Variants in PARD6G observed in about 807,000 individuals in gnomAD.
PARD6G encodes the protein partitioning defective 6 homolog gamma.
In PARD6G, 7 loss-of-function variants were observed where a neutral mutation model predicts 10.7. The ratio of observed to expected loss-of-function variants is 0.66; its 90% CI spans 0.37 to 1.23. PARD6G has a LOEUF of 1.23. Among genes scored for constraint, PARD6G ranks in the 50% most tolerant of loss-of-function variants. PARD6G has a pLI of 0.02. For synonymous variants in PARD6G, 287 were observed against 269.4 expected, an observed-to-expected ratio of 1.07 and a Z score of -0.64; for missense variants, 548 against 571.8, an observed-to-expected ratio of 0.96 and a Z score of 0.42.
chr18:80,226,930 C>A (rs1197334038), intron 1 of PARD6G, among the ~76,000 whole-genome samples: 2 of 152,194 alleles, frequency 1.3e-5, no homozygotes, highest in African/African-American at 4.8e-5. Context: ...TGAATCTTCA[C>A]TGAATTAATG....
chr18:80,207,523 A>G (rs917698107), intron 1 of PARD6G, among the ~76,000 whole-genome samples: 4 of 152,260 alleles, frequency 2.6e-5, no homozygotes, highest in African/African-American at 7.2e-5. Flanking sequence ...TTGCACAACT[A>G]TGTTCCAATC....
At chr18:80,230,316 C>T (rs1967343724) in intron 1 of PARD6G, among the ~76,000 whole-genome samples, 1 of 152,252 alleles carries the variant, frequency 6.6e-6, no homozygotes, top group South Asian at 2.1e-4. Context: ...ACAGAAAGAA[C>T]TCCATGTAGG....
intron 2 of PARD6G, among the ~76,000 whole-genome samples, chr18:80,195,915 A>C (rs112157339): frequency 2.6e-5 from 4 of 151,718 alleles, no homozygotes; most frequent in Non-Finnish European, 5.9e-5. Flanking sequence ...AAAGTAAAAA[A>C]GAACCAATTC....
chr18:80,159,832 CG>C lies in PARD6G; in HGVS notation c.1069del (p.Arg357ValfsTer35). 2.7e-6 allele frequency: 4 copies of C among 1,489,226 alleles called. No individual in the cohort carries two copies. Among genetic ancestry groups the C allele is most frequent in the East Asian group, 2.8e-5 (1 of 35,438 alleles). 92.3% of individuals were successfully genotyped at this position (1,489,226 alleles called of 1,614,324 possible). A position where few individuals can be genotyped will look rare whatever the true frequency, so the allele number is the denominator to read the frequency against. On this transcript the variant is annotated frameshift_variant, in exon 3 of 3. Coordinates refer to ENST00000353265, the MANE Select transcript of PARD6G (RefSeq NM_032510.4). LOFTEE classifies it high-confidence loss of function. ...GCCTGGCGGCAGCGCCAGGCTGTGA[CG>C]GGGGTCGGCCCGCAGGGAGCTGAGC... The part of the protein sequence containing the change: ...RLLSSLRADP[R>X]HSLALPPGGV...
chr18:80,200,230 C>T lies in PARD6G; in HGVS notation c.295+2480G>A, dbSNP rs1966996082. Among the ~76,000 whole-genome samples the T allele has an allele frequency of 6.6e-6, 1 of 152,154 alleles. No individual in the cohort carries two copies. The highest frequency in any genetic ancestry group is 1.5e-5 in the Non-Finnish European group (1 of 68,044). On this transcript the variant is annotated intron_variant, in intron 2 of 2. Coordinates refer to ENST00000353265, the MANE Select transcript of PARD6G (RefSeq NM_032510.4). This position sits in a 1 kb window ranked among gnomAD's most constrained non-coding sequence, Gnocchi z 4.4. ...GCCTCAGCTCTGCCCCAAACGCAAA[C>T]ACACAGATTATGAAACATCAGCACA... is the stretch of plus-strand genomic sequence containing the variant.
In PARD6G at chr18:80,182,665, C is replaced by T. The variant is rs1445707642; in HGVS notation, c.295+20045G>A. Reference sequence around the variant, plus strand: ...TCCACAGGGAAAAAAGGTGCAAGTCCAACAGACACCCTTTCCAGTCACCTA... The same window carrying T: ...TCCACAGGGAAAAAAGGTGCAAGTCTAACAGACACCCTTTCCAGTCACCTA... On this transcript the variant is annotated intron_variant, in intron 2 of 2. Coordinates refer to ENST00000353265, the MANE Select transcript of PARD6G (RefSeq NM_032510.4). The surrounding 1 kb of genome is among the most constrained non-coding windows in gnomAD (Gnocchi z 4.5). Among the ~76,000 whole-genome samples the T allele has an allele frequency of 2.0e-5, 3 of 152,176 alleles. No individual in the cohort carries two copies. Among genetic ancestry groups the T allele is most frequent in the Admixed American group, 1.3e-4 (2 of 15,284 alleles).
intron 2 of PARD6G, chr18:80,202,480 A>G (rs1967016889): frequency 2.2e-6 from 1 of 457,802 alleles, no homozygotes; most frequent in South Asian, 2.3e-5. Context: ...AAGTATCAAT[A>G]TTATTCTTTC....
intron 2 of PARD6G, among the ~76,000 whole-genome samples, chr18:80,191,734 G>T (rs1966900367): frequency 6.6e-6 from 1 of 152,182 alleles, no homozygotes; most frequent in African/African-American, 2.4e-5. Flanking sequence ...GGCCCAGCTG[G>T]GTTTTTGGTT....
At chr18:80,203,015 T>A in intron 1 of PARD6G, 83 bp from the exon 2 acceptor site, 1 of 898,938 alleles carries the variant, frequency 1.1e-6, no homozygotes, top group Non-Finnish European at 1.8e-6. Context: ...GTTAGTGTAC[T>A]TAACAAACAA....
chr18:80,184,381 C>T lies in PARD6G; in HGVS notation c.295+18329G>A, dbSNP rs1013342128. The T allele has an allele frequency of 6.6e-6, 1 of 152,282 alleles. No homozygotes were observed. Among genetic ancestry groups the T allele is most frequent in the Non-Finnish European group, 1.5e-5 (1 of 68,072 alleles). The allele number at this position is 152,282 out of a possible 1,614,324, so 9.4% of individuals were successfully genotyped here. ...AGTGGCCAGGAGGTGGAAACAACCCCGATGTCCATCAACTGATGAACCAAC... is the reference window on the plus strand; with the variant it reads ...AGTGGCCAGGAGGTGGAAACAACCCTGATGTCCATCAACTGATGAACCAAC... On this transcript the variant is annotated intron_variant, in intron 2 of 2. Coordinates refer to ENST00000353265, the MANE Select transcript of PARD6G (RefSeq NM_032510.4). This position sits in a 1 kb window ranked among gnomAD's most constrained non-coding sequence, Gnocchi z 4.5.
At chr18:80,238,308 A>G (rs1343548293) in intron 1 of PARD6G, among the ~76,000 whole-genome samples, 3 of 152,100 alleles carry the variant, frequency 2.0e-5, no homozygotes, top group Non-Finnish European at 2.9e-5. Context: ...ACATGGACAC[A>G]GGAAGGGGAA....
At position 80,160,091 on chromosome 18, in the gene PARD6G, C is replaced by T; in HGVS notation, c.811G>A (p.Asp271Asn). The T allele has an allele frequency of 6.3e-7, 1 of 1,599,900 alleles. No homozygotes were observed. Among genetic ancestry groups the T allele is most frequent in the Non-Finnish European group, 8.5e-7 (1 of 1,173,874 alleles). The change falls in exon 3 of 3, where the codon GAC (aspartate) becomes AAC (asparagine). Residue 271 changes from aspartate to asparagine, a missense_variant. Physicochemically the swap from Asp to Asn is conservative, Grantham distance 23. Transcript: ENST00000353265. ...GGACCCACGAAGCCCGCGGTGCCGT[C>T]CGAGGGCGGTCCCGAGCTGCCCAAC... ...RALGSSGPPS[D>N]GTAGFVGPPA...
rs936079999 is a variant in PARD6G at position 80,181,995 on chromosome 18, C to T, written c.295+20715G>A. ...CAGAGTTCAGAGCTCTCGCAGGCCT[C>T]GTGTTCAACTCCTCATCTTGCCACC... On this transcript the variant is annotated intron_variant, in intron 2 of 2. Transcript: ENST00000353265. The surrounding 1 kb of genome is among the most constrained non-coding windows in gnomAD (Gnocchi z 7.9). Among the ~76,000 whole-genome samples, 5 of 152,176 alleles carry T rather than the reference C, an allele frequency of 3.3e-5. No individual in the cohort carries two copies. Among genetic ancestry groups the T allele is most frequent in the Admixed American group, 1.3e-4 (2 of 15,288 alleles).
Position 80,228,172 on chromosome 18 carries a change from C to T in PARD6G, c.72+19105G>A, listed in dbSNP as rs888433942. Among the ~76,000 whole-genome samples, 1 of 152,170 alleles carries T rather than the reference C, an allele frequency of 6.6e-6. No individual in the cohort carries two copies. The highest frequency in any genetic ancestry group is 1.5e-5 in the Non-Finnish European group (1 of 68,036). On this transcript the variant is annotated intron_variant, in intron 1 of 2. Coordinates refer to ENST00000353265, the MANE Select transcript of PARD6G (RefSeq NM_032510.4). The surrounding 1 kb of genome is among the most constrained non-coding windows in gnomAD (Gnocchi z 4.6). ...TTCATCTGAGGAGTGGTTTCAAGGCCTCTGAGCACAGCTGGAAAAGGGCCC... is the reference window on the plus strand; with the variant it reads ...TTCATCTGAGGAGTGGTTTCAAGGCTTCTGAGCACAGCTGGAAAAGGGCCC...
At chr18:80,166,032 C>T (rs547235045) in intron 2 of PARD6G, among the ~76,000 whole-genome samples, 22 of 152,152 alleles carry the variant, frequency 1.4e-4, no homozygotes, top group African/African-American at 3.4e-4. Flanking sequence ...GAGCTGAGAT[C>T]GTGCCATTGC....
intron 2 of PARD6G, among the ~76,000 whole-genome samples, chr18:80,185,894 T>G (rs1411359215): frequency 2.9e-5 from 3 of 104,442 alleles, no homozygotes; most frequent in African/African-American, 1.2e-4. Context: ...TTGCACACCC[T>G]CACACACGCA....
Position 80,183,561 on chromosome 18 carries a change from ACT to A in PARD6G, c.295+19147_295+19148del, listed in dbSNP as rs1336524766. On this transcript the variant is annotated intron_variant, in intron 2 of 2. Coordinates refer to ENST00000353265, the MANE Select transcript of PARD6G (RefSeq NM_032510.4). The surrounding 1 kb of genome is among the most constrained non-coding windows in gnomAD (Gnocchi z 4.5). ...CTGTGCGGCCACTCTCTCTCCAAGTACTCTCTGCCCGGGAGCCCACTTCATCC... is the reference window on the plus strand; with the variant it reads ...CTGTGCGGCCACTCTCTCTCCAAGTACTCTGCCCGGGAGCCCACTTCATCC... The A allele has an allele frequency of 2.3e-5, 4 of 173,762 alleles. No individual in the cohort carries two copies. Among genetic ancestry groups the A allele is most frequent in the East Asian group, 1.6e-4 (1 of 6,252 alleles). 10.8% of individuals were successfully genotyped at this position (173,762 alleles called of 1,614,324 possible).
In PARD6G at chr18:80,229,858, TGAG is replaced by T. The variant is rs573537700; in HGVS notation, c.72+17416_72+17418del. Among the ~76,000 whole-genome samples, 565 of 152,190 alleles carry T rather than the reference TGAG, an allele frequency of 3.7e-3. 3 individuals are homozygous for T. Among genetic ancestry groups the T allele is most frequent in the African/African-American group, 0.013 (541 of 41,502 alleles). ...AAAGGAGCCTGGACAGCCCCAGGAA[TGAG>T]GAGGGCAGTGTGGGCGGCCAGGCAA... is the stretch of plus-strand genomic sequence containing the variant. On this transcript the variant is annotated intron_variant, in intron 1 of 2. Coordinates refer to ENST00000353265, the MANE Select transcript of PARD6G (RefSeq NM_032510.4).
rs1262746951 is a variant in PARD6G, at chr18:80,180,006, G to C, written c.296-19400C>G. Among the ~76,000 whole-genome samples the C allele has an allele frequency of 2.0e-5, 3 of 152,258 alleles. No homozygotes were observed. Among genetic ancestry groups the C allele is most frequent in the Non-Finnish European group, 4.4e-5 (3 of 68,048 alleles). ...CGTAGCTGGTCTCACCTCTGTCTAG[G>C]GGGGCAGAGCCTGACGGGAACGCCC... On this transcript the variant is annotated intron_variant, in intron 2 of 2. Transcript: ENST00000353265. The surrounding 1 kb of genome is among the most constrained non-coding windows in gnomAD (Gnocchi z 5.6).
Sources: gnomAD v4.1 joint callset for allele counts (sites outside exome capture counted in the v4.1 genomes callset) on GRCh38, gnomAD v4.1.1 for gene constraint, Gnocchi (gnomAD v3.1) non-coding constraint, MANE v1.5 for transcripts, NCBI Gene and HGNC (gene_info 2026-07-23, HGNC 2026-07-21) for gene names.